Variants in NECTIN3 observed in about 807,000 individuals in gnomAD.
The protein encoded by NECTIN3 is nectin cell adhesion molecule 3.
Under a neutral mutation model 49.4 loss-of-function variants are expected in NECTIN3, and 8 were observed. The observed-to-expected ratio is 0.16, with a 90% CI of 0.10 to 0.29. The LOEUF (loss-of-function observed/expected upper bound fraction) is 0.29, where lower values mean the gene tolerates loss of function less well. NECTIN3 is among the 10% of genes least tolerant of loss of function. The pLI, the probability that NECTIN3 is intolerant of heterozygous loss-of-function variation, is 1.00. For missense variants in NECTIN3, 581 were observed against 654.6 expected, an observed-to-expected ratio of 0.89 and a Z score of 1.23; for synonymous variants, 277 against 241.1, an observed-to-expected ratio of 1.15 and a Z score of -1.38.
chr3:111,118,307 C>G (rs1253445907), intron 2 of NECTIN3, among the ~76,000 whole-genome samples: 1 of 103,932 alleles, frequency 9.6e-6, no homozygotes, highest in Non-Finnish European at 2.0e-5. Flanking sequence ...AACTTATCTT[C>G]CAGAGAAGTA....
intron 1 of NECTIN3, chr3:111,075,355 TTCTC>T (rs1307971713): frequency 6.6e-6 from 1 of 152,130 alleles, no homozygotes. Flanking sequence ...CTTCCTCTCT[TTCTC>T]TTTCTCTCTC....
Position 111,133,819 on chromosome 3 carries a change from T to C in NECTIN3, c.1254T>C (p.Leu418=), listed in dbSNP as rs1385611476. 2.5e-6 allele frequency: 4 copies of C among 1,613,980 alleles called. No individual in the cohort carries two copies. The South Asian group carries it at 3.3e-5, about 13-fold the overall frequency. Residue 418 remains leucine (L), a synonymous_variant, in exon 6 of 6, where the codon CTT becomes CTC. Transcript: ENST00000485303. ...TGGGTGGGGCTCTCTTCATAGTACT[T>C]GTAAGTGTTTTGGCTGGAATATTCT... ...SVVGGALFIV[L]VSVLAGIFCY... is the part of the protein sequence containing the mutation.
intron 7 of NECTIN3, among the ~76,000 whole-genome samples, chr3:111,166,588 TG>T (rs1010175830): frequency 2.0e-5 from 3 of 152,258 alleles, no homozygotes; most frequent in Non-Finnish European, 4.4e-5. Context: ...CTGTTTTCTG[TG>T]CCTACTTGAT....
At chr3:111,118,274 A>G (rs1189273483) in intron 2 of NECTIN3, among the ~76,000 whole-genome samples, 3 of 137,894 alleles carry the variant, frequency 2.2e-5, no homozygotes, top group Admixed American at 2.2e-4. Context: ...ATATATATAT[A>G]TATATATATT....
In NECTIN3 at chr3:111,072,141, C is replaced by T. The variant is rs1252061488; in HGVS notation, c.124C>T (p.Leu42=). ...QPPTPPPLLL[L]LFPLLLFSRL... ...CCCGACGCCACCTCCGCTGCTGCTG[C>T]TGCTCTTCCCGCTGCTGCTCTTCTC... The change falls in exon 1 of 6, where the codon CTG becomes TTG. Residue 42 remains leucine, a synonymous_variant. Transcript: ENST00000485303. 1 of 1,551,146 alleles carries T rather than the reference C, an allele frequency of 6.4e-7. No individual in the cohort carries two copies. The highest frequency in any genetic ancestry group is 8.7e-7 in the Non-Finnish European group (1 of 1,147,282).
At chr3:111,085,773 A>G (rs1297840829) in intron 1 of NECTIN3, among the ~76,000 whole-genome samples, 1 of 151,412 alleles carries the variant, frequency 6.6e-6, no homozygotes, top group Non-Finnish European at 1.5e-5. Context: ...TTAATGTTGG[A>G]CAGACATTTG....
chr3:111,088,164 G>C (rs2032043095), intron 1 of NECTIN3, among the ~76,000 whole-genome samples: 1 of 152,096 alleles, frequency 6.6e-6, no homozygotes, highest in Non-Finnish European at 1.5e-5. Context: ...CCCTGGGGTG[G>C]TAGAGGGAGA....
At chr3:111,117,167 A>G (rs1260741149) in intron 2 of NECTIN3, among the ~76,000 whole-genome samples, 4 of 152,134 alleles carry the variant, frequency 2.6e-5, no homozygotes, top group African/African-American at 4.8e-5. Flanking sequence ...TCCAAAAACA[A>G]TAAGCTAAAG....
chr3:111,134,910 A>G lies in NECTIN3; in HGVS notation c.*695A>G, dbSNP rs2034523910. 4.1e-6 allele frequency: 4 copies of G among 983,730 alleles called. No individual in the cohort carries two copies. Among genetic ancestry groups the G allele is most frequent in the African/African-American group, 1.7e-5 (1 of 57,152 alleles). The allele number at this position is 983,730 out of a possible 1,614,324, so 60.9% of individuals were successfully genotyped here. ...GTGGAAGAGCATAATTAGCTGGTCA[A>G]TATTTTTGTCCAAAATACCTGCAAG... On this transcript the variant is annotated 3_prime_UTR_variant, in exon 6 of 6. Coordinates refer to ENST00000485303, the MANE Select transcript of NECTIN3 (RefSeq NM_015480.3).
chr3:111,100,554 A>C (rs1240172573), intron 1 of NECTIN3, among the ~76,000 whole-genome samples: 1 of 152,086 alleles, frequency 6.6e-6, no homozygotes, highest in Non-Finnish European at 1.5e-5. Context: ...CAAAATAAGA[A>C]AAAAACAGCC....
chr3:111,139,665 C>T (rs1443840730), downstream of NECTIN3, among the ~76,000 whole-genome samples: 1 of 151,724 alleles, frequency 6.6e-6, no homozygotes, highest in Non-Finnish European at 1.5e-5. Context: ...GAATAATTGT[C>T]ATGCTGCTTC....
intron 1 of NECTIN3, among the ~76,000 whole-genome samples, chr3:111,083,231 G>C (rs2031732410): frequency 1.3e-5 from 2 of 152,136 alleles, no homozygotes; most frequent in African/African-American, 4.8e-5. Flanking sequence ...TCTTGGGAAA[G>C]AAAGGAAAGA....
chr3:111,140,228 A>G (rs180859139), downstream of NECTIN3, among the ~76,000 whole-genome samples: 3 of 151,998 alleles, frequency 2.0e-5, no homozygotes, highest in Admixed American at 6.6e-5. Flanking sequence ...TTGGTTGTTC[A>G]ATGTCTTGCT....
At chr3:111,172,868 T>C (rs1446750773) in intron 7 of NECTIN3, among the ~76,000 whole-genome samples, 1 of 152,214 alleles carries the variant, frequency 6.6e-6, no homozygotes, top group East Asian at 1.9e-4. Context: ...TTATCCAGTT[T>C]CCTCAGGTTT....
At chr3:111,153,162 A>C (rs192122654) in intron 7 of NECTIN3, among the ~76,000 whole-genome samples, 1 of 152,038 alleles carries the variant, frequency 6.6e-6, no homozygotes. Context: ...TTGAGTAGAA[A>C]AATGTTTTCG....
chr3:111,081,802 A>G (rs907578409), intron 1 of NECTIN3, among the ~76,000 whole-genome samples: 2 of 152,168 alleles, frequency 1.3e-5, no homozygotes, highest in African/African-American at 4.8e-5. Context: ...AGAAGGAATT[A>G]GTGTTCTCAT....
chr3:111,144,716 TAAGA>T (rs1430782132), intron 5 of NECTIN3, among the ~76,000 whole-genome samples: 1 of 152,080 alleles, frequency 6.6e-6, no homozygotes, highest in Non-Finnish European at 1.5e-5. Flanking sequence ...TAAAGTAATA[TAAGA>T]AAGAAGGAAG....
downstream of NECTIN3, among the ~76,000 whole-genome samples, chr3:111,138,788 C>T (rs529657953): frequency 3.8e-4 from 58 of 151,454 alleles, no homozygotes; most frequent in Non-Finnish European, 5.3e-4. Flanking sequence ...CTTCAAAACA[C>T]GATTAATAGT....
intron 1 of NECTIN3, among the ~76,000 whole-genome samples, chr3:111,097,783 A>G (rs2032675565): frequency 6.6e-6 from 1 of 152,142 alleles, no homozygotes. Context: ...TGAGTTCTCC[A>G]TTAAACCTCT....
Sources: gnomAD v4.1 joint callset for allele counts (sites outside exome capture counted in the v4.1 genomes callset) on GRCh38, gnomAD v4.1.1 for gene constraint, MANE v1.5 for transcripts, NCBI Gene and HGNC (gene_info 2026-07-23, HGNC 2026-07-21) for gene names.